HEMK1: variants seen among roughly 807,000 people sequenced by gnomAD.
HEMK1 encodes the protein HemK methyltransferase 1, mitochondrial release factors N(5)-glutamine.
Under a neutral mutation model 47.9 loss-of-function variants are expected in HEMK1, and 36 were observed. That is an observed-to-expected ratio of 0.75 (90% CI 0.58 to 0.99). The LOEUF (loss-of-function observed/expected upper bound fraction) is 0.99, where lower values mean the gene tolerates loss of function less well. HEMK1 is among the 50% of genes least tolerant of loss of function. The probability of loss-of-function intolerance (pLI) is 0.00; values close to 1 mark genes in which losing one functional copy is unlikely to be tolerated. For missense variants in HEMK1, 383 were observed against 434.5 expected, an observed-to-expected ratio of 0.88 and a Z score of 1.05; for synonymous variants, 153 against 165.4, an observed-to-expected ratio of 0.93 and a Z score of 0.57.
At chr3:50,577,707 A>G (rs908446881) in intron 6 of HEMK1, 119 bp from the exon 7 acceptor site, 48 of 1,347,478 alleles carry the variant, frequency 3.6e-5, no homozygotes, top group Non-Finnish European at 4.8e-5. Context: ...GGGGTTCTGA[A>G]TGGGTAGTGG....
In HEMK1 at chr3:50,570,846, G is replaced by A. The variant is rs940739105; in HGVS notation, c.-174-85G>A. 7.7e-5 allele frequency: 30 copies of A among 387,108 alleles called. No individual in the cohort carries two copies. In the East Asian group the frequency reaches 1.2e-3, roughly 16 times the overall value. The allele number at this position is 387,108 out of a possible 1,614,324, so 24.0% of individuals were successfully genotyped here. ...GAGTCAAGGGGGTGTCAGAGCAAGAGCACAACTATTCTCAGGCAATGTATT... is the reference window on the plus strand; with the variant it reads ...GAGTCAAGGGGGTGTCAGAGCAAGAACACAACTATTCTCAGGCAATGTATT... On this transcript the variant is annotated intron_variant, in intron 1 of 10. Coordinates refer to ENST00000232854, the MANE Select transcript of HEMK1 (RefSeq NM_016173.5).
rs1553623244 is a variant in HEMK1 at position 50,591,663 on chromosome 3, C to CATGTGTGTGTGTGTGT, written c.*11246_*11247insATGTGTGTGTGTGTGT. ...ACCAAGCCAGGGTTGCATGCATGCA[C>CATGTGTGTGTGTGTGT]GTGTGTGTGTGTGTGTGTGTGTGTG... On this transcript the variant is annotated 3_prime_UTR_variant, in exon 11 of 11. Coordinates refer to ENST00000232854, the MANE Select transcript of HEMK1 (RefSeq NM_016173.5). The CATGTGTGTGTGTGTGT allele has an allele frequency of 7.8e-6, 1 of 127,404 alleles. No homozygotes were observed. The highest frequency in any genetic ancestry group is 2.5e-4 in the East Asian group (1 of 4,034). 7.9% of individuals were successfully genotyped at this position (127,404 alleles called of 1,614,324 possible).
chr3:50,595,408 T>C lies in HEMK1; in HGVS notation c.*14991T>C, dbSNP rs1202888589. 1 of 152,230 alleles carries C rather than the reference T, an allele frequency of 6.6e-6. No individual in the cohort carries two copies. The highest frequency in any genetic ancestry group is 1.5e-5 in the Non-Finnish European group (1 of 68,038). The allele number at this position is 152,230 out of a possible 1,614,324, so 9.4% of individuals were successfully genotyped here. A position where few individuals can be genotyped will look rare whatever the true frequency, so the allele number is the denominator to read the frequency against. ...ATGATGGCCCGGTGATGCCTGCATA[T>C]GCATTGGGTTGCACTACGGTGGAGA... On this transcript the variant is annotated 3_prime_UTR_variant, in exon 11 of 11. Transcript: ENST00000232854.
rs549237036 is a variant in HEMK1, at chr3:50,577,639, G to A, written c.614+66G>A. On this transcript the variant is annotated intron_variant, in intron 6 of 10. Transcript: ENST00000232854. Reference sequence around the variant, plus strand: ...CTTTTCAGGTTTCAAACTCACCAATGTCTGATTTCTACTCCCAAGAAGGAG... The same window carrying A: ...CTTTTCAGGTTTCAAACTCACCAATATCTGATTTCTACTCCCAAGAAGGAG... 5.3e-6 allele frequency: 8 copies of A among 1,519,976 alleles called. No individual in the cohort carries two copies. The African/African-American group carries it at 8.2e-5, about 16-fold the overall frequency. The allele number at this position is 1,519,976 out of a possible 1,614,324, so 94.2% of individuals were successfully genotyped here.
Position 50,590,843 on chromosome 3 carries a change from G to C in HEMK1, c.*10426G>C, listed in dbSNP as rs928730671. 6.6e-6 allele frequency: 1 copy of C among 152,186 alleles called. No individual in the cohort carries two copies. 9.4% of individuals were successfully genotyped at this position (152,186 alleles called of 1,614,324 possible). A position where few individuals can be genotyped will look rare whatever the true frequency, so the allele number is the denominator to read the frequency against. Reference sequence around the variant, plus strand: ...CTAGGGACTTACCCAGGCCCTTGGTGGTGCCTCCAAGGGTGGAAAGACTGG... The same window carrying C: ...CTAGGGACTTACCCAGGCCCTTGGTCGTGCCTCCAAGGGTGGAAAGACTGG... On this transcript the variant is annotated 3_prime_UTR_variant, in exon 11 of 11. Transcript: ENST00000232854.
At chr3:50,571,610 GC>G (rs1700969159) in intron 2 of HEMK1, 99 bp from the exon 3 acceptor site, 4 of 1,110,426 alleles carry the variant, frequency 3.6e-6, no homozygotes, top group Non-Finnish European at 4.1e-6. Flanking sequence ...AGAGGGTTGG[GC>G]CTCCAGACCA....
rs1253213687 is a variant in HEMK1 at position 50,582,299 on chromosome 3, A to C, written c.*1882A>C. On this transcript the variant is annotated 3_prime_UTR_variant, in exon 11 of 11. Transcript: ENST00000232854. The stretch of plus-strand genomic sequence containing the variant: ...ACAAGCAGGAGCCGGCCTCGGGCAC[A>C]ACTTTCTGCCCAGAAAAATGTGCAG... The C allele has an allele frequency of 6.6e-6, 1 of 152,238 alleles. No homozygotes were observed. The highest frequency in any genetic ancestry group is 1.9e-4 in the East Asian group (1 of 5,178). The allele number at this position is 152,238 out of a possible 1,614,324, so 9.4% of individuals were successfully genotyped here.
At chr3:50,577,231 C>T (rs1408937269) in intron 5 of HEMK1, 45 bp downstream of exon 5, 1 of 1,574,880 alleles carries the variant, frequency 6.3e-7, no homozygotes, top group African/African-American at 1.4e-5. Context: ...CTGACACTCA[C>T]TGTCCCTCCC....
chr3:50,577,435 G>A (rs1701704508), intron 5 of HEMK1, 74 bp from the exon 6 acceptor site: 17 of 1,442,488 alleles, frequency 1.2e-5, no homozygotes, highest in Non-Finnish European at 1.7e-5. Context: ...TTGGAGGAGG[G>A]TCCCCCAGGC....
At chr3:50,573,641 C>T (rs1701262936) in intron 4 of HEMK1, among the ~76,000 whole-genome samples, 1 of 152,214 alleles carries the variant, frequency 6.6e-6, no homozygotes, top group East Asian at 1.9e-4. Flanking sequence ...TCTTGCTGTG[C>T]AGACATTTCT....
intron 4 of HEMK1, among the ~76,000 whole-genome samples, chr3:50,573,352 C>T (rs1701231358): frequency 6.6e-6 from 1 of 152,244 alleles, no homozygotes; most frequent in African/African-American, 2.4e-5. Flanking sequence ...CTGCCACCTG[C>T]AGACTTTGGG....
chr3:50,583,181 T>C lies in HEMK1; in HGVS notation c.*2764T>C, dbSNP rs1414947500. The stretch of plus-strand genomic sequence containing the variant: ...AGAGTAATTCTATCTCCTCTTCTGA[T>C]AGTTGGGGAAACTGAGGCCTTGTCT... On this transcript the variant is annotated 3_prime_UTR_variant, in exon 11 of 11. Transcript: ENST00000232854. 1 of 152,254 alleles carries C rather than the reference T, an allele frequency of 6.6e-6. No homozygotes were observed. The highest frequency in any genetic ancestry group is 1.5e-5 in the Non-Finnish European group (1 of 68,068). The allele number at this position is 152,254 out of a possible 1,614,324, so 9.4% of individuals were successfully genotyped here. A position where few individuals can be genotyped will look rare whatever the true frequency, so the allele number is the denominator to read the frequency against.
At position 50,580,464 on chromosome 3, in the gene HEMK1, A is replaced by G; in HGVS notation, c.*47A>G. ...TTGTCAGTGCCGCCAGCCTGACCAGAGGGGAGGTGGATGGCACTTTCCAGA... is the reference window on the plus strand; with the variant it reads ...TTGTCAGTGCCGCCAGCCTGACCAGGGGGGAGGTGGATGGCACTTTCCAGA... On this transcript the variant is annotated 3_prime_UTR_variant, in exon 11 of 11. Coordinates refer to ENST00000232854, the MANE Select transcript of HEMK1 (RefSeq NM_016173.5). 6.2e-7 allele frequency: 1 copy of G among 1,602,732 alleles called. No homozygotes were observed. The highest frequency in any genetic ancestry group is 8.5e-7 in the Non-Finnish European group (1 of 1,170,102).
rs1449526306 is a variant in HEMK1, at chr3:50,595,353, C to T, written c.*14936C>T. ...TAAAAGCATTTTCTTGCACCACTTCCCTGAACCGCAGTTCCTACAGAGTGA... is the reference window on the plus strand; with the variant it reads ...TAAAAGCATTTTCTTGCACCACTTCTCTGAACCGCAGTTCCTACAGAGTGA... On this transcript the variant is annotated 3_prime_UTR_variant, in exon 11 of 11. Coordinates refer to ENST00000232854, the MANE Select transcript of HEMK1 (RefSeq NM_016173.5). 1.3e-5 allele frequency: 2 copies of T among 152,192 alleles called. No individual in the cohort carries two copies. Among genetic ancestry groups the T allele is most frequent in the Non-Finnish European group, 2.9e-5 (2 of 68,050 alleles). 9.4% of individuals were successfully genotyped at this position (152,192 alleles called of 1,614,324 possible).
rs2031906029 is a variant in HEMK1 at position 50,595,188 on chromosome 3, C to T, written c.*14771C>T. On this transcript the variant is annotated 3_prime_UTR_variant, in exon 11 of 11. Coordinates refer to ENST00000232854, the MANE Select transcript of HEMK1 (RefSeq NM_016173.5). ...GGGATTACAGGAGTGAGCCACCGCG[C>T]CCGGCTTATCCGACTTTGAAGCAAA... 6.6e-6 allele frequency: 1 copy of T among 152,278 alleles called. No homozygotes were observed. The highest frequency in any genetic ancestry group is 6.5e-5 in the Admixed American group (1 of 15,278). 9.4% of individuals were successfully genotyped at this position (152,278 alleles called of 1,614,324 possible). A position where few individuals can be genotyped will look rare whatever the true frequency, so the allele number is the denominator to read the frequency against.
intron 4 of HEMK1, among the ~76,000 whole-genome samples, chr3:50,576,571 G>A (rs1701614228): frequency 6.6e-6 from 1 of 152,150 alleles, no homozygotes; most frequent in South Asian, 2.1e-4. Flanking sequence ...GCCCATGCCT[G>A]GCAAATTTTC....
chr3:50,576,518 C>T (rs1701607452), intron 4 of HEMK1, among the ~76,000 whole-genome samples: 1 of 152,220 alleles, frequency 6.6e-6, no homozygotes, highest in Non-Finnish European at 1.5e-5. Flanking sequence ...TCCCTCTCAC[C>T]TCAGCCTTCT....
intron 5 of HEMK1, 95 bp downstream of exon 5, chr3:50,577,281 A>G: frequency 7.0e-7 from 1 of 1,431,556 alleles, no homozygotes; most frequent in East Asian, 2.3e-5. Flanking sequence ...GGAGCGCTTG[A>G]GGGGAAGCAG....
In HEMK1 at chr3:50,595,412, T is replaced by C. The variant is rs937232296; in HGVS notation, c.*14995T>C. Reference sequence around the variant, plus strand: ...TGGCCCGGTGATGCCTGCATATGCATTGGGTTGCACTACGGTGGAGAAACT... The same window carrying C: ...TGGCCCGGTGATGCCTGCATATGCACTGGGTTGCACTACGGTGGAGAAACT... On this transcript the variant is annotated 3_prime_UTR_variant, in exon 11 of 11. Coordinates refer to ENST00000232854, the MANE Select transcript of HEMK1 (RefSeq NM_016173.5). 2 of 152,202 alleles carry C rather than the reference T, an allele frequency of 1.3e-5. No homozygotes were observed. Among genetic ancestry groups the C allele is most frequent in the African/African-American group, 4.8e-5 (2 of 41,454 alleles). The allele number at this position is 152,202 out of a possible 1,614,324, so 9.4% of individuals were successfully genotyped here. A position where few individuals can be genotyped will look rare whatever the true frequency, so the allele number is the denominator to read the frequency against.
Sources: gnomAD v4.1 joint callset for allele counts (sites outside exome capture counted in the v4.1 genomes callset) on GRCh38, gnomAD v4.1.1 for gene constraint, MANE v1.5 for transcripts, NCBI Gene and HGNC (gene_info 2026-07-23, HGNC 2026-07-21) for gene names.